SMIM35: variants seen among roughly 807,000 people sequenced by gnomAD.
SMIM35 encodes the protein small integral membrane protein 35, also known as TMPRSS4 antisense RNA 1 (non-protein coding).
chr11:118,008,277 C>T (rs567441131), intron 4 of SMIM35, among the ~76,000 whole-genome samples: 176 of 152,292 alleles, frequency 1.2e-3, no homozygotes, highest in Middle Eastern at 0.01. Context: ...TGTTTTGTAC[C>T]AGATCTGTTT....
intron 1 of SMIM35, among the ~76,000 whole-genome samples, chr11:118,016,200 C>T (rs1408579923): frequency 1.3e-5 from 2 of 152,122 alleles, no homozygotes; most frequent in South Asian, 2.1e-4. Context: ...GACCGGGGAC[C>T]CTCAGTCCCC....
At chr11:118,084,372 G>A (rs1017059773) in intron 1 of SMIM35, among the ~76,000 whole-genome samples, 2 of 152,236 alleles carry the variant, frequency 1.3e-5, no homozygotes, top group African/African-American at 4.8e-5. Flanking sequence ...GGGCAGGAAA[G>A]CAGTAAAGGA....
At chr11:118,021,046 G>GGTTTTTTTTTGTTTTT (rs1565381760) in intron 1 of SMIM35, among the ~76,000 whole-genome samples, 4 of 130,814 alleles carry the variant, frequency 3.1e-5, no homozygotes, top group East Asian at 4.3e-4. Context: ...CACAGGGTAA[G>GGTTTTTTTTTGTTTTT]GTTTTTTTTT....
At chr11:118,046,430 C>A (rs373273088) in intron 1 of SMIM35, among the ~76,000 whole-genome samples, 1 of 152,096 alleles carries the variant, frequency 6.6e-6, no homozygotes, top group Non-Finnish European at 1.5e-5. Context: ...TATGAAGAAC[C>A]AGGAGGCCCC....
intron 1 of SMIM35, among the ~76,000 whole-genome samples, chr11:118,056,959 T>C (rs954019991): frequency 6.6e-6 from 1 of 151,500 alleles, no homozygotes; most frequent in Admixed American, 6.6e-5. Flanking sequence ...AGGAGAAAAA[T>C]AGCCAGGCCA....
intron 1 of SMIM35, among the ~76,000 whole-genome samples, chr11:118,023,247 G>A (rs777738196): frequency 5.3e-5 from 8 of 152,034 alleles, no homozygotes; most frequent in Non-Finnish European, 8.8e-5. Flanking sequence ...GAGGCCTTCA[G>A]CAAGTTATTT....
chr11:118,018,122 T>C (rs752691885), intron 1 of SMIM35, among the ~76,000 whole-genome samples: 6 of 152,058 alleles, frequency 3.9e-5, no homozygotes, highest in Non-Finnish European at 8.8e-5. Flanking sequence ...GGCAGGAGCA[T>C]GCCTAGCAGG....
intron 4 of SMIM35, among the ~76,000 whole-genome samples, chr11:118,007,070 C>T (rs1021585971): frequency 1.3e-5 from 2 of 152,210 alleles, no homozygotes; most frequent in African/African-American, 2.4e-5. Context: ...CACACGCACA[C>T]ACACACAGGG....
intron 1 of SMIM35, among the ~76,000 whole-genome samples, chr11:118,056,807 A>G (rs950248254): frequency 6.6e-6 from 1 of 152,206 alleles, no homozygotes; most frequent in Non-Finnish European, 1.5e-5. Context: ...AAGGCAAGCG[A>G]GATCATTTAA....
At position 118,047,716 on chromosome 11, in the gene SMIM35, C is replaced by G. The variant is rs77557232; in HGVS notation, c.8-31907G>C. Among the ~76,000 whole-genome samples, 14 of 152,308 alleles carry G rather than the reference C, an allele frequency of 9.2e-5. No individual in the cohort carries two copies. The East Asian group carries it at 2.7e-3, about 29-fold the overall frequency. ...GAAGCAAATAAGTTATTTCAGCAGC[C>G]AAACTGAGACTTTGAGTATGAGCTA... On this transcript the variant is annotated intron_variant, in intron 1 of 4. Coordinates refer to ENST00000689828, the MANE Select transcript of SMIM35 (RefSeq NM_001394165.1).
chr11:118,038,208 G>C (rs755778513), intron 1 of SMIM35, among the ~76,000 whole-genome samples: 2 of 152,166 alleles, frequency 1.3e-5, no homozygotes, highest in Non-Finnish European at 2.9e-5. Flanking sequence ...GCAGGCTTCG[G>C]GCGTGAACTG....
At chr11:118,006,849 A>G (rs2058124384) in intron 4 of SMIM35, among the ~76,000 whole-genome samples, 1 of 152,180 alleles carries the variant, frequency 6.6e-6, no homozygotes, top group Admixed American at 6.5e-5. Context: ...TGGGTGTTGT[A>G]GGAACTCAGG....
At chr11:118,011,119 G>A (rs949705154) in intron 4 of SMIM35, among the ~76,000 whole-genome samples, 1 of 152,248 alleles carries the variant, frequency 6.6e-6, no homozygotes, top group Non-Finnish European at 1.5e-5. Flanking sequence ...TGAGGGGACA[G>A]AGGGTGCGTC....
intron 1 of SMIM35, among the ~76,000 whole-genome samples, chr11:118,018,733 C>G (rs2512155): frequency 6.6e-6 from 1 of 152,048 alleles, no homozygotes. Flanking sequence ...TATGTCTCCA[C>G]TGTTACTTTT....
intron 1 of SMIM35, among the ~76,000 whole-genome samples, chr11:118,042,068 A>AAGAGAGAG (rs55720011): frequency 0.36 from 42,719 of 117,366 alleles, 8,538 homozygotes; most frequent in East Asian, 0.74. Flanking sequence ...AAAAAAAAAA[A>AAGAGAGAG]AGAGAGAGAG....
At chr11:118,048,946 C>CAAAAAAAAAAAAACAAAA in intron 1 of SMIM35, among the ~76,000 whole-genome samples, 1 of 60,490 alleles carries the variant, frequency 1.7e-5, no homozygotes, top group Non-Finnish European at 3.0e-5. Flanking sequence ...TGAAGAGCTG[C>CAAAAAAAAAAAAACAAAA]AAAAAAAAAA....
intron 1 of SMIM35, among the ~76,000 whole-genome samples, chr11:118,023,949 G>A (rs1431242905): frequency 6.6e-6 from 1 of 151,684 alleles, no homozygotes; most frequent in African/African-American, 2.4e-5. Flanking sequence ...GAAGGAGAAT[G>A]CTTGAACCTG....
chr11:118,019,264 A>G (rs997686924), intron 1 of SMIM35, among the ~76,000 whole-genome samples: 1 of 152,168 alleles, frequency 6.6e-6, no homozygotes, highest in African/African-American at 2.4e-5. Flanking sequence ...AAACCAACAA[A>G]CCATCTAAAA....
intron 1 of SMIM35, among the ~76,000 whole-genome samples, chr11:118,070,666 T>C (rs1944556970): frequency 6.6e-6 from 1 of 152,152 alleles, no homozygotes; most frequent in African/African-American, 2.4e-5. Context: ...CGGGATGGAC[T>C]CACAAATAAT....
Sources: allele counts gnomAD v4.1 joint callset (sites outside exome capture counted in the v4.1 genomes callset), GRCh38; gene constraint gnomAD v4.1.1; transcripts MANE v1.5; gene names NCBI Gene and HGNC (gene_info 2026-07-23, HGNC 2026-07-21).